TEX26: variants seen among roughly 807,000 people sequenced by gnomAD.
The protein encoded by TEX26 is testis-expressed protein 26.
Under a neutral mutation model 35.3 loss-of-function variants are expected in TEX26, and 34 were observed. That is an observed-to-expected ratio of 0.96 (90% CI 0.73 to 1.28). The LOEUF (loss-of-function observed/expected upper bound fraction) is 1.28. Among genes scored for constraint, TEX26 ranks in the 50% most tolerant of loss-of-function variants. TEX26 has a pLI of 0.00. For synonymous variants in TEX26, 136 were observed against 111.8 expected, an observed-to-expected ratio of 1.22 and a Z score of -1.36; for missense variants, 371 against 330.1, an observed-to-expected ratio of 1.12 and a Z score of -0.96.
At chr13:30,968,708 C>T (rs1252224416) in intron 5 of TEX26, among the ~76,000 whole-genome samples, 177 bp from the exon 6 acceptor site, 3 of 152,174 alleles carry the variant, frequency 2.0e-5, no homozygotes, top group Non-Finnish European at 4.4e-5. Flanking sequence ...TCTGCTCAGC[C>T]CTGGTCATTG....
At chr13:30,945,207 G>C (rs975015030) in intron 2 of TEX26, among the ~76,000 whole-genome samples, 8 of 151,562 alleles carry the variant, frequency 5.3e-5, no homozygotes, top group Non-Finnish European at 1.0e-4. Flanking sequence ...GACTTTCTTT[G>C]TCTTTTTTTT....
At chr13:30,935,560 G>C (rs181060632) in intron 1 of TEX26, among the ~76,000 whole-genome samples, 27 of 152,344 alleles carry the variant, frequency 1.8e-4, no homozygotes, top group Admixed American at 1.2e-3. Context: ...AGCTGGAGAT[G>C]ATGGGGCAAC....
chr13:30,974,325 T>C (rs796293938), intron 6 of TEX26, among the ~76,000 whole-genome samples: 9 of 151,974 alleles, frequency 5.9e-5, no homozygotes, highest in African/African-American at 1.2e-4. Context: ...AAAACAGCCC[T>C]GGCTTCTATG....
At chr13:30,970,659 G>T (rs1419224960) in intron 6 of TEX26, among the ~76,000 whole-genome samples, 7 of 152,200 alleles carry the variant, frequency 4.6e-5, no homozygotes, top group East Asian at 1.9e-4. Context: ...GCTCCCATCT[G>T]CCCAGGGACT....
chr13:30,963,433 C>T (rs972509261), intron 4 of TEX26, among the ~76,000 whole-genome samples: 5 of 152,044 alleles, frequency 3.3e-5, no homozygotes, highest in Admixed American at 1.3e-4. Context: ...TTCCAAATAA[C>T]GCATGAAGCT....
chr13:30,945,391 T>G (rs1953669211), intron 2 of TEX26, among the ~76,000 whole-genome samples: 1 of 151,354 alleles, frequency 6.6e-6, no homozygotes, highest in Non-Finnish European at 1.5e-5. Flanking sequence ...GGTTTGTGGA[T>G]TTTTTTTTAA....
chr13:30,943,735 G>A (rs562194461), intron 2 of TEX26, among the ~76,000 whole-genome samples: 2 of 151,992 alleles, frequency 1.3e-5, no homozygotes, highest in African/African-American at 2.4e-5. Flanking sequence ...TATGATTTTT[G>A]TTTTTTGATT....
intron 4 of TEX26, 76 bp downstream of exon 4, chr13:30,957,105 G>A: frequency 6.9e-7 from 1 of 1,450,658 alleles, no homozygotes; most frequent in Non-Finnish European, 9.5e-7. Context: ...CAGCATGCGT[G>A]TGTTCTTCTC....
At chr13:30,940,623 A>G (rs1953458477) in intron 2 of TEX26, among the ~76,000 whole-genome samples, 1 of 152,048 alleles carries the variant, frequency 6.6e-6, no homozygotes, top group Non-Finnish European at 1.5e-5. Context: ...GTGAGCCACC[A>G]CATCCGGCTG....
At chr13:30,957,690 G>A (rs1177844295) in intron 4 of TEX26, among the ~76,000 whole-genome samples, 2 of 152,222 alleles carry the variant, frequency 1.3e-5, no homozygotes, top group African/African-American at 4.8e-5. Flanking sequence ...GATGGAGGCA[G>A]GATCTGCAAG....
chr13:30,934,766 C>A (rs916665070), intron 1 of TEX26, among the ~76,000 whole-genome samples: 2 of 152,274 alleles, frequency 1.3e-5, no homozygotes, highest in Middle Eastern at 3.4e-3. Flanking sequence ...CAAACTGCAG[C>A]TACAGACCCA....
chr13:30,952,552 C>T, intron 2 of TEX26, 108 bp from the exon 3 acceptor site: 1 of 925,528 alleles, frequency 1.1e-6, no homozygotes, highest in Non-Finnish European at 1.6e-6. Context: ...ACTCTTATGC[C>T]AATCAATCTT....
rs752664099 is a variant in TEX26, at chr13:30,957,043, T to C, written c.469+14T>C. On this transcript the variant is annotated intron_variant, in intron 4 of 6. Coordinates refer to ENST00000380473, the MANE Select transcript of TEX26 (RefSeq NM_152325.3). ...ACAGATCAAAAGGTAAACACTTTTG[T>C]TTTTCTTTTTTTCCTGGGTCATGTG... 1 of 1,610,598 alleles carries C rather than the reference T, an allele frequency of 6.2e-7. No homozygotes were observed. The highest frequency in any genetic ancestry group is 8.5e-7 in the Non-Finnish European group (1 of 1,177,368).
intron 3 of TEX26, among the ~76,000 whole-genome samples, chr13:30,954,277 T>TACACACACAC (rs56003143): frequency 3.6e-5 from 5 of 137,952 alleles, no homozygotes; most frequent in African/African-American, 1.1e-4. Context: ...TATAGACCTA[T>TACACACACAC]ACACACACAC....
At chr13:30,973,078 C>T (rs73165095) in intron 6 of TEX26, among the ~76,000 whole-genome samples, 4,695 of 152,314 alleles carry the variant, frequency 0.031, 106 homozygotes, top group Admixed American at 0.061. Context: ...AGGACATGTA[C>T]AAGAATGTTT....
intron 1 of TEX26, among the ~76,000 whole-genome samples, chr13:30,937,390 G>A (rs1175715635): frequency 6.6e-6 from 1 of 152,208 alleles, no homozygotes; most frequent in Non-Finnish European, 1.5e-5. Context: ...ATGTGATCTG[G>A]ACTGTTAGAG....
At chr13:30,960,739 G>A (rs1954308815) in intron 4 of TEX26, among the ~76,000 whole-genome samples, 2 of 152,140 alleles carry the variant, frequency 1.3e-5, no homozygotes, top group South Asian at 4.1e-4. Flanking sequence ...ATTTTCATCT[G>A]TTTCTTGCAT....
At chr13:30,949,978 G>A (rs1034549167) in intron 2 of TEX26, among the ~76,000 whole-genome samples, 2 of 152,050 alleles carry the variant, frequency 1.3e-5, no homozygotes, top group Non-Finnish European at 2.9e-5. Flanking sequence ...GGCTGCATTG[G>A]AGTAAATATT....
chr13:30,938,740 C>T (rs957223497), intron 1 of TEX26, among the ~76,000 whole-genome samples: 3 of 152,234 alleles, frequency 2.0e-5, no homozygotes, highest in African/African-American at 4.8e-5. Context: ...CAGTGTTTGA[C>T]TCCCTTCTCT....
Sources: gnomAD v4.1 joint callset for allele counts (sites outside exome capture counted in the v4.1 genomes callset) on GRCh38, gnomAD v4.1.1 for gene constraint, MANE v1.5 for transcripts, NCBI Gene and HGNC (gene_info 2026-07-23, HGNC 2026-07-21) for gene names.